The following DIP2C variants were observed in gnomAD, a reference collection of about 807,000 sequenced individuals.
The protein encoded by DIP2C is DIP2 acetate--CoA ligase C (putative), also known as disco-interacting protein 2 homolog C.
Under a neutral mutation model 192.4 loss-of-function variants are expected in DIP2C, and 33 were observed. The ratio of observed to expected loss-of-function variants is 0.17; its 90% CI spans 0.13 to 0.23. The LOEUF (loss-of-function observed/expected upper bound fraction) is 0.23. Ranked by LOEUF, DIP2C falls within the 10% of genes least tolerant of loss-of-function variation. The probability of loss-of-function intolerance (pLI) is 1.00; values close to 1 mark genes in which losing one functional copy is unlikely to be tolerated. For synonymous variants in DIP2C, 979 were observed against 864.1 expected, an observed-to-expected ratio of 1.13 and a Z score of -2.33; for missense variants, 1,537 against 2,110.1, an observed-to-expected ratio of 0.73 and a Z score of 5.32.
intron 3 of DIP2C, among the ~76,000 whole-genome samples, chr10:455,393 T>C (rs11252528): frequency 2.6e-3 from 204 of 79,298 alleles, no homozygotes; most frequent in African/African-American, 8.9e-3. Context: ...CCGTGAGGAG[T>C]AAATGAGATG....
chr10:569,257 CAA>C (rs1849637831), intron 1 of DIP2C, among the ~76,000 whole-genome samples: 1 of 152,192 alleles, frequency 6.6e-6, no homozygotes, highest in African/African-American at 2.4e-5. Flanking sequence ...CTGTCAGCTA[CAA>C]AGTGTTTCTA....
At chr10:333,803 G>A (rs1278575773) in intron 29 of DIP2C, among the ~76,000 whole-genome samples, 4 of 152,172 alleles carry the variant, frequency 2.6e-5, no homozygotes, top group Admixed American at 2.0e-4. Flanking sequence ...CAGAAAACAC[G>A]AGCTCTCCAA....
intron 18 of DIP2C, among the ~76,000 whole-genome samples, chr10:367,767 G>A (rs1373107235): frequency 6.6e-6 from 1 of 152,238 alleles, no homozygotes; most frequent in African/African-American, 2.4e-5. Context: ...CGCGGAGCTC[G>A]TTACGCGCTG....
intron 1 of DIP2C, among the ~76,000 whole-genome samples, chr10:555,703 A>G (rs1293794706): frequency 6.6e-6 from 1 of 152,164 alleles, no homozygotes; most frequent in African/African-American, 2.4e-5. Context: ...CAGATGCGTT[A>G]ATCAGAGAAT....
intron 22 of DIP2C, among the ~76,000 whole-genome samples, chr10:361,532 C>CTGT (rs1465054250): frequency 6.6e-6 from 1 of 152,184 alleles, no homozygotes; most frequent in Non-Finnish European, 1.5e-5. Context: ...TGTCTGAACC[C>CTGT]TGTCTCCACC....
chr10:618,442 C>A (rs916261819), intron 1 of DIP2C, among the ~76,000 whole-genome samples: 1 of 152,200 alleles, frequency 6.6e-6, no homozygotes, highest in African/African-American at 2.4e-5. Flanking sequence ...GCTGACCTGC[C>A]CACATTTCTC....
In DIP2C at chr10:375,752, T is replaced by G. The variant is rs1961493976; in HGVS notation, c.1992-6119A>C. On this transcript the variant is annotated intron_variant, in intron 17 of 36. Coordinates refer to ENST00000280886, the MANE Select transcript of DIP2C (RefSeq NM_014974.3). ...CACACAAAACAAACACATCAAGTAG[T>G]GAACAAGCCTCACAGCCTCCAGTTC... Among the ~76,000 whole-genome samples the G allele has an allele frequency of 2.6e-5, 4 of 152,138 alleles. No individual in the cohort carries two copies. In the East Asian group the frequency reaches 7.7e-4, roughly 29 times the overall value.
intron 1 of DIP2C, among the ~76,000 whole-genome samples, chr10:567,000 GA>G (rs1296826224): frequency 6.6e-6 from 1 of 152,190 alleles, no homozygotes; most frequent in Non-Finnish European, 1.5e-5. Context: ...GACCTATTCA[GA>G]AAGGGAAAAA....
At chr10:524,495 CATAT>C (rs569603636) in intron 1 of DIP2C, among the ~76,000 whole-genome samples, 1 of 152,050 alleles carries the variant, frequency 6.6e-6, no homozygotes, top group South Asian at 2.1e-4. Flanking sequence ...ATATACCTTA[CATAT>C]ATATGTGTAT....
intron 29 of DIP2C, among the ~76,000 whole-genome samples, chr10:338,828 CCTGCACG>C (rs1192175077): frequency 0.02 from 3,037 of 149,132 alleles, 104 homozygotes; most frequent in African/African-American, 0.07. Flanking sequence ...GCCCACGCCA[CCTGCACG>C]CTGCACGCTG....
In DIP2C at chr10:423,012, T is replaced by C. The variant is rs1355194413; in HGVS notation, c.416A>G (p.Asp139Gly). The C allele has an allele frequency of 6.2e-7, 1 of 1,611,408 alleles. No homozygotes were observed. The highest frequency in any genetic ancestry group is 1.3e-5 in the African/African-American group (1 of 74,892). The change falls in exon 5 of 37, where the codon GAT becomes GGT. Residue 139 changes from aspartate (D) to glycine (G), a missense_variant. Around this residue, in one of 4 missense-constraint regions of DIP2C, gnomAD observed 473 missense variants for 539.6 expected, o/e 0.88. Coordinates refer to ENST00000280886, the MANE Select transcript of DIP2C (RefSeq NM_014974.3). ...GGAGTCCCCCTGCACTGAGCCTTCA[T>C]CTTCTGAGCCAGAAGAGGTATCTGT... ...TPPDTSSGSE[D>G]EGSVQGDSQG...
intron 29 of DIP2C, among the ~76,000 whole-genome samples, chr10:339,537 C>A (rs1026116070): frequency 1.3e-5 from 2 of 152,170 alleles, no homozygotes; most frequent in Non-Finnish European, 2.9e-5. Context: ...GGTAAGCCTG[C>A]AGGCAGGAGG....
chr10:630,668 C>A (rs816566), intron 1 of DIP2C: 107,894 of 152,324 alleles, frequency 0.71, 43,671 homozygotes, highest in Non-Finnish European at 0.89. Context: ...GGCTGCGTCC[C>A]GGGGCCGTGC....
At chr10:606,849 GGAC>G (rs1485697278) in intron 1 of DIP2C, among the ~76,000 whole-genome samples, 3 of 152,170 alleles carry the variant, frequency 2.0e-5, no homozygotes, top group Non-Finnish European at 4.4e-5. Context: ...CGTCAGTGAC[GGAC>G]GCCACAGCTT....
intron 1 of DIP2C, among the ~76,000 whole-genome samples, chr10:556,708 C>T (rs1388076875): frequency 6.6e-6 from 1 of 152,092 alleles, no homozygotes; most frequent in African/African-American, 2.4e-5. Flanking sequence ...CTGCTGGAAT[C>T]AACAGCCCCA....
intron 3 of DIP2C, among the ~76,000 whole-genome samples, chr10:452,882 T>C (rs1968965318): frequency 1.3e-5 from 2 of 152,106 alleles, no homozygotes; most frequent in African/African-American, 2.4e-5. Context: ...GATGGACCCA[T>C]CTCCCTTGAG....
chr10:457,021 C>T (rs75640599), intron 3 of DIP2C, among the ~76,000 whole-genome samples: 17 of 152,266 alleles, frequency 1.1e-4, no homozygotes, highest in African/African-American at 4.1e-4. Flanking sequence ...CTTTTGATTC[C>T]TAGATTTTCC....
intron 31 of DIP2C, among the ~76,000 whole-genome samples, chr10:320,824 G>A (rs1420129924): frequency 6.6e-6 from 1 of 152,206 alleles, no homozygotes; most frequent in East Asian, 1.9e-4. Flanking sequence ...GAAGCGACAT[G>A]GACATGGTGA....
intron 4 of DIP2C, chr10:430,522 AGATT>A (rs1218633830): frequency 2.0e-5 from 3 of 152,220 alleles, no homozygotes; most frequent in African/African-American, 4.8e-5. Context: ...TATTTTAATC[AGATT>A]GATTGTTTTG....
Sources: gnomAD v4.1 joint callset for allele counts (sites outside exome capture counted in the v4.1 genomes callset) on GRCh38, gnomAD v4.1.1 for gene constraint, gnomAD v4.1.1 regional missense constraint, MANE v1.5 for transcripts, NCBI Gene and HGNC (gene_info 2026-07-23, HGNC 2026-07-21) for gene names.